Variants in CAMSAP1 observed in about 807,000 individuals in gnomAD.
The protein encoded by CAMSAP1 is calmodulin regulated spectrin associated protein 1, also known as calmodulin-regulated spectrin-associated protein 1.
In CAMSAP1, 58 loss-of-function variants were observed where a neutral mutation model predicts 143.5. The ratio of observed to expected loss-of-function variants is 0.40; its 90% confidence interval spans 0.33 to 0.50. The LOEUF (loss-of-function observed/expected upper bound fraction) is 0.50. Among genes scored for constraint, CAMSAP1 ranks in the 20% least tolerant of loss-of-function variants. The pLI, the probability that CAMSAP1 is intolerant of heterozygous loss-of-function variation, is 0.45. For missense variants in CAMSAP1, 1,969 were observed against 2,115.7 expected, an observed-to-expected ratio of 0.93 and a Z score of 1.36; for synonymous variants, 945 against 859.3, an observed-to-expected ratio of 1.10 and a Z score of -1.74.
rs762225305 is a variant in CAMSAP1, at chr9:135,882,952, A to G, written c.287T>C (p.Leu96Pro). 6.4e-7 allele frequency: 1 copy of G among 1,551,780 alleles called. No individual in the cohort carries two copies. The highest frequency in any genetic ancestry group is 8.7e-7 in the Non-Finnish European group (1 of 1,147,008). Reference sequence around the variant, plus strand: ...TAAGGCGGCCACCTGGTCCCCTTTCAGGATGAGGCTGCAGACACGGCAGTA... The same window carrying G: ...TAAGGCGGCCACCTGGTCCCCTTTCGGGATGAGGCTGCAGACACGGCAGTA... ...ELYCRVCSLI[L>P]KGDQVAALQG... is the part of the protein sequence containing the mutation. The change falls in exon 2 of 17, where the codon CTG (leucine) becomes CCG (proline). Residue 96 changes from leucine to proline, a missense_variant. By Grantham distance (98) the Leu-to-Pro change is moderately conservative. Transcript: ENST00000389532. The surrounding 1 kb of genome is among the most constrained non-coding windows in gnomAD (Gnocchi z 4.9).
intron 1 of CAMSAP1, among the ~76,000 whole-genome samples, chr9:135,894,012 G>C (rs142448204): frequency 6.6e-6 from 1 of 152,130 alleles, no homozygotes; most frequent in African/African-American, 2.4e-5. Context: ...CACCCAACGG[G>C]AGGTGACACA....
chr9:135,873,878 A>C (rs1291373948), intron 3 of CAMSAP1, among the ~76,000 whole-genome samples: 1 of 152,160 alleles, frequency 6.6e-6, no homozygotes. Context: ...TTTTAGCCCA[A>C]CATTACCCCA....
chr9:135,854,734 A>T (rs888869587), intron 5 of CAMSAP1, among the ~76,000 whole-genome samples: 1 of 152,118 alleles, frequency 6.6e-6, no homozygotes, highest in Non-Finnish European at 1.5e-5. Flanking sequence ...AATTACAGGC[A>T]TGAGCTACCA....
Position 135,820,619 on chromosome 9 carries a change from A to G in CAMSAP1, c.3822+220T>C, listed in dbSNP as rs898138043. Reference sequence around the variant, plus strand: ...GGCTCATAACAAAGTCGTCTCAGCCACACCACGCTCACTTGCATGCGTATT... The same window carrying G: ...GGCTCATAACAAAGTCGTCTCAGCCGCACCACGCTCACTTGCATGCGTATT... On this transcript the variant is annotated intron_variant, in intron 11 of 16. Transcript: ENST00000389532. The surrounding 1 kb of genome is among the most constrained non-coding windows in gnomAD (Gnocchi z 4.4). Among the ~76,000 whole-genome samples the G allele has an allele frequency of 2.0e-5, 3 of 151,940 alleles. No individual in the cohort carries two copies. Among genetic ancestry groups the G allele is most frequent in the African/African-American group, 7.3e-5 (3 of 41,354 alleles).
chr9:135,813,769 G>A (rs1250316472), intron 16 of CAMSAP1, among the ~76,000 whole-genome samples: 2 of 152,240 alleles, frequency 1.3e-5, no homozygotes, highest in African/African-American at 4.8e-5. Context: ...CGCTGACGCT[G>A]GTTTCCTCCC....
chr9:135,859,393 TTTTG>T (rs565354422), intron 5 of CAMSAP1, among the ~76,000 whole-genome samples: 62 of 152,280 alleles, frequency 4.1e-4, no homozygotes, highest in African/African-American at 1.1e-3. Flanking sequence ...AACTCTGCCA[TTTTG>T]TTTGTTTGTT....
At chr9:135,862,707 T>A (rs982362920) in intron 4 of CAMSAP1, 99 bp from the exon 5 acceptor site, 32 of 1,226,146 alleles carry the variant, frequency 2.6e-5, no homozygotes, top group Non-Finnish European at 3.7e-5. Flanking sequence ...ACATAACGCC[T>A]AACAGACAAC....
intron 7 of CAMSAP1, among the ~76,000 whole-genome samples, chr9:135,827,837 G>A (rs1358457321): frequency 6.6e-6 from 1 of 152,256 alleles, no homozygotes; most frequent in Non-Finnish European, 1.5e-5. Context: ...AAGCCCAGCT[G>A]ATGGGCTCTG....
chr9:135,837,564 C>T (rs997548567), intron 7 of CAMSAP1, among the ~76,000 whole-genome samples: 18 of 150,492 alleles, frequency 1.2e-4, no homozygotes, highest in Non-Finnish European at 2.1e-4. Flanking sequence ...CACATCATCA[C>T]GCACTTTCTA....
At chr9:135,899,617 C>T (rs372881612) in intron 1 of CAMSAP1, among the ~76,000 whole-genome samples, 17 of 152,232 alleles carry the variant, frequency 1.1e-4, no homozygotes, top group Middle Eastern at 3.4e-3. Flanking sequence ...AAGCATTCTG[C>T]GCTCTGGCCT....
At chr9:135,842,254 T>C (rs7035532) in intron 7 of CAMSAP1, among the ~76,000 whole-genome samples, 2,609 of 152,098 alleles carry the variant, frequency 0.017, 44 homozygotes, top group African/African-American at 0.047. Context: ...ATATCAGAGA[T>C]TGAAGATCAA....
At position 135,823,956 on chromosome 9, in the gene CAMSAP1, T is replaced by G; in HGVS notation, c.1394A>C (p.Lys465Thr). 3.2e-6 allele frequency: 5 copies of G among 1,578,978 alleles called. No homozygotes were observed. Among genetic ancestry groups the G allele is most frequent in the Non-Finnish European group, 4.3e-6 (5 of 1,161,444 alleles). Residue 465 changes from lysine to threonine, a missense_variant, in exon 10 of 17, where the codon AAA (lysine) becomes ACA (threonine). Lys to Thr is a moderately conservative substitution (Grantham distance 78, BLOSUM62 -1). Coordinates refer to ENST00000389532, the MANE Select transcript of CAMSAP1 (RefSeq NM_015447.4). ...TGCTGAAACACAGACTCACCTGGTT[T>G]TTTTTTCTGGCCAGGCTATTGCTGC... ...RGAAIAWPEK[K>T]TRPASQPTPF...
intron 5 of CAMSAP1, among the ~76,000 whole-genome samples, chr9:135,853,686 G>T (rs1185668140): frequency 6.6e-6 from 1 of 152,236 alleles, no homozygotes; most frequent in Non-Finnish European, 1.5e-5. Context: ...TGCTCATAGG[G>T]AGTGGGCACT....
Position 135,907,197 on chromosome 9 carries a change from C to A in CAMSAP1, c.-38G>T, listed in dbSNP as rs933031664. 13 of 1,057,106 alleles carry A rather than the reference C, an allele frequency of 1.2e-5. No homozygotes were observed. The African/African-American group carries it at 1.9e-4, about 15-fold the overall frequency. The allele number at this position is 1,057,106 out of a possible 1,614,324, so 65.5% of individuals were successfully genotyped here. On this transcript the variant is annotated 5_prime_UTR_variant, in exon 1 of 17. Coordinates refer to ENST00000389532, the MANE Select transcript of CAMSAP1 (RefSeq NM_015447.4). The stretch of plus-strand genomic sequence containing the variant: ...GGCTGAGGCGGCGGCCCGGCCGCAA[C>A]AAAGGCGCCGCCGCCCCTCGCCGCG...
Position 135,824,951 on chromosome 9 carries a change from G to T in CAMSAP1, c.1224-71C>A. 8.3e-7 allele frequency: 1 copy of T among 1,209,948 alleles called. No homozygotes were observed. Among genetic ancestry groups the T allele is most frequent in the Non-Finnish European group, 1.2e-6 (1 of 847,636 alleles). The allele number at this position is 1,209,948 out of a possible 1,614,324, so 75.0% of individuals were successfully genotyped here. A position where few individuals can be genotyped will look rare whatever the true frequency, so the allele number is the denominator to read the frequency against. ...TTCAAGGTCAACAGCAAATGCACAA[G>T]TGTACAGGACCATCCTGAATTCACA... On this transcript the variant is annotated intron_variant, in intron 8 of 16. Transcript: ENST00000389532. The surrounding 1 kb of genome is among the most constrained non-coding windows in gnomAD (Gnocchi z 4.1).
rs777664205 is a variant in CAMSAP1, at chr9:135,821,371, C to T, written c.3290G>A (p.Arg1097Gln). 3.1e-6 allele frequency: 5 copies of T among 1,613,728 alleles called. No individual in the cohort carries two copies. The highest frequency in any genetic ancestry group is 1.1e-5 in the South Asian group (1 of 91,068). ...CGCCGGCCTTCCGGAACGGGAATTC[C>T]GGCCTTGACCCAGCCGGGGGGCTTT... ...HRKAPRLGQG[R>Q]NSRSGRPAEL... Residue 1097 changes from arginine (R) to glutamine (Q), a missense_variant, in exon 11 of 17, where the codon CGG (arginine) becomes CAG (glutamine). By Grantham distance (43) the Arg-to-Gln change is conservative (BLOSUM62 1). Transcript: ENST00000389532. This position sits in a 1 kb window ranked among gnomAD's most constrained non-coding sequence, Gnocchi z 4.6.
intron 3 of CAMSAP1, among the ~76,000 whole-genome samples, chr9:135,868,333 A>G (rs1837454028): frequency 6.6e-6 from 1 of 152,170 alleles, no homozygotes; most frequent in African/African-American, 2.4e-5. Context: ...GACATCAGTG[A>G]CCTCGGGACA....
chr9:135,818,391 G>A lies in CAMSAP1; in HGVS notation c.4168+17C>T. On this transcript the variant is annotated intron_variant, in intron 13 of 16. Transcript: ENST00000389532. The surrounding 1 kb of genome is among the most constrained non-coding windows in gnomAD (Gnocchi z 7.7). ...GCGGAAGGAAGCGCTGCCCGCGTGA[G>A]GGCCGGGGCTGCTTACGGGTGGAGG... The A allele has an allele frequency of 6.4e-6, 10 of 1,550,910 alleles. No homozygotes were observed. The highest frequency in any genetic ancestry group is 1.2e-5 in the South Asian group (1 of 85,304).
intron 4 of CAMSAP1, 134 bp from the exon 5 acceptor site, chr9:135,862,742 GAA>G: frequency 1.1e-6 from 1 of 907,116 alleles, no homozygotes; most frequent in South Asian, 1.6e-5. Context: ...CAATAATCTA[GAA>G]AGAGTTAGAA....
Sources: gnomAD v4.1 joint callset for allele counts (sites outside exome capture counted in the v4.1 genomes callset) on GRCh38, gnomAD v4.1.1 for gene constraint, Gnocchi (gnomAD v3.1) non-coding constraint, MANE v1.5 for transcripts, NCBI Gene and HGNC (gene_info 2026-07-23, HGNC 2026-07-21) for gene names.